The following CFAP161 variants were observed in gnomAD, a reference collection of about 807,000 sequenced individuals.
CFAP161 encodes cilia and flagella associated protein 161.
Under a neutral mutation model 29.0 loss-of-function variants are expected in CFAP161, and 25 were observed. The ratio of observed to expected loss-of-function variants is 0.86; its 90% confidence interval spans 0.63 to 1.20. The LOEUF is 1.20. Among genes scored for constraint, CFAP161 ranks in the 50% most tolerant of loss-of-function variants. The pLI is 0.00. For missense variants in CFAP161, 367 were observed against 371.9 expected (o/e 0.99, Z 0.11); for synonymous variants, 116 against 137.4 (o/e 0.84, Z 1.09).
At chr15:81,138,602 G>A (rs1237523417) in intron 4 of CFAP161, among the ~76,000 whole-genome samples, 2 of 152,134 alleles carry the variant, frequency 1.3e-5, no homozygotes, top group African/African-American at 2.4e-5. Flanking sequence ...GGGAGCCTTG[G>A]GGATTAGGAA....
intron 1 of CFAP161, among the ~76,000 whole-genome samples, chr15:81,112,870 G>A (rs114919800): frequency 0.033 from 4,983 of 152,150 alleles, 246 homozygotes; most frequent in African/African-American, 0.11. Flanking sequence ...CTTTTAAAGC[G>A]AGGTGAGTGG....
At chr15:81,137,763 C>G (rs1003095869) in intron 3 of CFAP161, among the ~76,000 whole-genome samples, 2 of 152,182 alleles carry the variant, frequency 1.3e-5, no homozygotes, top group African/African-American at 4.8e-5. Context: ...GACCAGAATT[C>G]CTTAGTATAC....
At chr15:81,118,290 C>G (rs555421391) in intron 1 of CFAP161, 228 of 505,424 alleles carry the variant, frequency 4.5e-4, no homozygotes, top group Non-Finnish European at 8.0e-4. Flanking sequence ...CTGTTAAGCT[C>G]TCAATTTTCC....
intron 3 of CFAP161, among the ~76,000 whole-genome samples, chr15:81,137,460 G>T (rs572858705): frequency 6.6e-6 from 1 of 152,272 alleles, no homozygotes; most frequent in South Asian, 2.1e-4. Context: ...GCTGGGCGTG[G>T]TGGCAGGCTC....
At chr15:81,100,698 C>CTT (rs1567148740) in intron 1 of CFAP161, among the ~76,000 whole-genome samples, 1 of 76,860 alleles carries the variant, frequency 1.3e-5, no homozygotes, top group Non-Finnish European at 3.4e-5. Flanking sequence ...TTTCCTCTCT[C>CTT]TCTCTCTTTT....
intron 1 of CFAP161, among the ~76,000 whole-genome samples, chr15:81,112,244 C>T (rs1037283673): frequency 4.0e-5 from 6 of 151,302 alleles, no homozygotes; most frequent in Admixed American, 3.9e-4. Context: ...TGTCATCCAA[C>T]AAGAACTTTT....
chr15:81,130,489 A>G (rs1055214678), upstream of CFAP161, among the ~76,000 whole-genome samples: 5 of 152,202 alleles, frequency 3.3e-5, no homozygotes, highest in African/African-American at 7.2e-5. Flanking sequence ...TCACAAGGTC[A>G]GGAGAGTGAG....
chr15:81,133,261 G>T (rs1894748672), upstream of CFAP161, among the ~76,000 whole-genome samples: 1 of 137,208 alleles, frequency 7.3e-6, no homozygotes, highest in African/African-American at 2.8e-5. Flanking sequence ...GTCTCACTAT[G>T]TTGCCCAGGC....
At chr15:81,127,462 C>G (rs1038163040) in intron 1 of CFAP161, 3 of 152,122 alleles carry the variant, frequency 2.0e-5, no homozygotes, top group Admixed American at 6.5e-5. Context: ...AATGTAAATT[C>G]TGTGGAAACC....
At chr15:81,133,176 C>CATAT (rs141326043), upstream of CFAP161, among the ~76,000 whole-genome samples, 54 of 60,968 alleles carry the variant, frequency 8.9e-4, no homozygotes, top group Non-Finnish European at 1.1e-3. Flanking sequence ...CCTTCATCAG[C>CATAT]ATATATATAT....
At chr15:81,115,718 C>T (rs753789128) in intron 1 of CFAP161, among the ~76,000 whole-genome samples, 5 of 152,258 alleles carry the variant, frequency 3.3e-5, no homozygotes, top group Non-Finnish European at 5.9e-5. Context: ...CTCACTCTGT[C>T]ACTGCAGCTG....
At chr15:81,105,204 TC>T (rs1262998953) in intron 1 of CFAP161, among the ~76,000 whole-genome samples, 1 of 50,382 alleles carries the variant, frequency 2.0e-5, no homozygotes, top group African/African-American at 6.8e-5. Flanking sequence ...TCACTCCCCC[TC>T]CTCCTTTCTC....
At chr15:81,099,810 T>C (rs1267707540) in intron 1 of CFAP161, among the ~76,000 whole-genome samples, 1 of 152,212 alleles carries the variant, frequency 6.6e-6, no homozygotes, top group Non-Finnish European at 1.5e-5. Context: ...GTATTTAAAT[T>C]TTCTAAGTGC....
intron 4 of CFAP161, 122 bp downstream of exon 4, chr15:81,138,257 C>A: frequency 1.3e-6 from 1 of 758,708 alleles, no homozygotes; most frequent in Non-Finnish European, 2.2e-6. Flanking sequence ...TCTGACTTCA[C>A]TATGGTGTCA....
rs1895052644 is a variant in CFAP161, at chr15:81,148,641, G to A, written c.*108G>A. On this transcript the variant is annotated 3_prime_UTR_variant, in exon 7 of 7. Transcript: ENST00000286732. ...TCAAGCTATTTTTGAATCAGATGTG[G>A]GACTCTCTGGGCACTATATTAAAAT... is the stretch of plus-strand genomic sequence containing the variant. 1 of 993,164 alleles carries A rather than the reference G, an allele frequency of 1.0e-6. No individual in the cohort carries two copies. The highest frequency in any genetic ancestry group is 1.4e-6 in the Non-Finnish European group (1 of 691,118). The allele number at this position is 993,164 out of a possible 1,614,324, so 61.5% of individuals were successfully genotyped here.
chr15:81,137,104 T>A (rs1011006417), intron 3 of CFAP161, among the ~76,000 whole-genome samples: 1 of 151,928 alleles, frequency 6.6e-6, no homozygotes, highest in Non-Finnish European at 1.5e-5. Context: ...CTATTTTTTT[T>A]TTTACAATAA....
At chr15:81,122,272 C>G (rs35332367) in intron 1 of CFAP161, among the ~76,000 whole-genome samples, 86,804 of 151,898 alleles carry the variant, frequency 0.57, 26,057 homozygotes, top group Non-Finnish European at 0.68. Flanking sequence ...GTCTTTAGGT[C>G]TTTGAGGAAT....
chr15:81,137,978 T>G, intron 3 of CFAP161, 73 bp from the exon 4 acceptor site: 1 of 1,171,522 alleles, frequency 8.5e-7, no homozygotes, highest in Non-Finnish European at 1.2e-6. Flanking sequence ...ATTGCATGCA[T>G]AAAAAATAGA....
intron 1 of CFAP161, among the ~76,000 whole-genome samples, chr15:81,115,082 G>A (rs1456365357): frequency 6.6e-6 from 1 of 152,136 alleles, no homozygotes; most frequent in African/African-American, 2.4e-5. Context: ...TTTTGCAGAA[G>A]GATTTTTTGT....
Sources: allele counts gnomAD v4.1 joint callset (sites outside exome capture counted in the v4.1 genomes callset), GRCh38; gene constraint gnomAD v4.1.1; transcripts MANE v1.5; gene names NCBI Gene and HGNC (gene_info 2026-07-23, HGNC 2026-07-21).